The following GRHL2 variants were observed in gnomAD, a reference collection of about 807,000 sequenced individuals.
GRHL2 encodes grainyhead-like protein 2 homolog.
Under a neutral mutation model 83.8 loss-of-function variants are expected in GRHL2, and 21 were observed. The observed-to-expected ratio is 0.25, with a 90% CI of 0.18 to 0.36. GRHL2 has a LOEUF of 0.36. Ranked by LOEUF, GRHL2 falls within the 10% of genes least tolerant of loss-of-function variation. The pLI, the probability that GRHL2 is intolerant of heterozygous loss-of-function variation, is 1.00. For missense variants in GRHL2, 623 were observed against 781.8 expected (o/e 0.80, Z 2.42); for synonymous variants, 280 against 278.9 (o/e 1.00, Z -0.04).
intron 12 of GRHL2, among the ~76,000 whole-genome samples, chr8:101,638,204 T>C (rs528522628): frequency 1.1e-4 from 16 of 152,354 alleles, no homozygotes; most frequent in Non-Finnish European, 1.8e-4. Flanking sequence ...ATATAATTAA[T>C]ATATTTACTT....
At chr8:101,670,616 C>T (rs976312793), downstream of GRHL2, among the ~76,000 whole-genome samples, 6 of 152,204 alleles carry the variant, frequency 3.9e-5, no homozygotes, top group Non-Finnish European at 8.8e-5. Context: ...TTGGTGCTCT[C>T]CCCAGCTGTC....
intron 7 of GRHL2, among the ~76,000 whole-genome samples, chr8:101,597,691 G>A (rs1812419466): frequency 6.8e-6 from 1 of 146,708 alleles, no homozygotes; most frequent in African/African-American, 2.5e-5. Context: ...GGGGTGGAGG[G>A]AGGGGGGAGG....
intron 14 of GRHL2, among the ~76,000 whole-genome samples, chr8:101,654,763 TC>T (rs1813748375): frequency 6.6e-6 from 1 of 152,250 alleles, no homozygotes; most frequent in Non-Finnish European, 1.5e-5. Flanking sequence ...TACAAGGGTT[TC>T]CTGGAGTCTG....
intron 1 of GRHL2, among the ~76,000 whole-genome samples, chr8:101,516,433 G>C (rs1443538541): frequency 2.3e-5 from 1 of 43,082 alleles, no homozygotes; most frequent in African/African-American, 8.6e-5. Flanking sequence ...TTTTTTTTTT[G>C]AGACAGGGTC....
intron 1 of GRHL2, among the ~76,000 whole-genome samples, chr8:101,526,344 T>C (rs1237152930): frequency 6.6e-6 from 1 of 152,188 alleles, no homozygotes; most frequent in African/African-American, 2.4e-5. Flanking sequence ...TGTGTTATTC[T>C]ATAACATCAT....
chr8:101,631,600 T>A (rs1813186726), intron 9 of GRHL2, 37 bp from the exon 10 acceptor site: 1 of 1,534,192 alleles, frequency 6.5e-7, no homozygotes, highest in Non-Finnish European at 9.0e-7. Context: ...TCTGCTAATA[T>A]GCCTGGCATT....
downstream of GRHL2, among the ~76,000 whole-genome samples, chr8:101,671,240 C>T (rs368692323): frequency 9.2e-5 from 14 of 152,296 alleles, no homozygotes; most frequent in African/African-American, 1.9e-4. Flanking sequence ...ACTCGGGAAG[C>T]GCAAGGGGTC....
chr8:101,526,220 A>T (rs1810799919), intron 1 of GRHL2, among the ~76,000 whole-genome samples: 1 of 152,214 alleles, frequency 6.6e-6, no homozygotes, highest in Admixed American at 6.5e-5. Context: ...AAAATTCAAA[A>T]CTGGTAGTTT....
downstream of GRHL2, among the ~76,000 whole-genome samples, chr8:101,672,158 CA>C (rs1814221204): frequency 6.6e-6 from 1 of 151,674 alleles, no homozygotes; most frequent in Non-Finnish European, 1.5e-5. Flanking sequence ...TCTCCTCCTC[CA>C]AAGGAATGCA....
At chr8:101,515,084 C>T in intron 1 of GRHL2, among the ~76,000 whole-genome samples, 1 of 147,292 alleles carries the variant, frequency 6.8e-6, no homozygotes, top group African/African-American at 2.7e-5. Context: ...CTCCCTCCCT[C>T]CCTCCTTATA....
rs549539290 is a variant in GRHL2, at chr8:101,535,120, C to T, written c.21-8121C>T. Among the ~76,000 whole-genome samples the T allele has an allele frequency of 3.3e-5, 5 of 152,310 alleles. No individual in the cohort carries two copies. In the South Asian group the frequency reaches 6.2e-4, roughly 19 times the overall value. On this transcript the variant is annotated intron_variant, in intron 1 of 15. Transcript: ENST00000646743. ...TCTATATGATAGGGATTTGACTCAA[C>T]GACCATCTCCTGTGGTCACATTCTG...
chr8:101,558,281 G>A (rs984523440), intron 3 of GRHL2, 138 bp from the exon 4 acceptor site: 4 of 969,270 alleles, frequency 4.1e-6, no homozygotes, highest in Admixed American at 2.0e-5. Context: ...ATTGCGTTTC[G>A]TTGTGAAGTT....
At chr8:101,630,856 G>A (rs1813172656) in intron 9 of GRHL2, among the ~76,000 whole-genome samples, 1 of 152,126 alleles carries the variant, frequency 6.6e-6, no homozygotes, top group Non-Finnish European at 1.5e-5. Flanking sequence ...AGCTCATATA[G>A]AGAAATAACC....
At chr8:101,510,405 T>C (rs1810439028) in intron 1 of GRHL2, among the ~76,000 whole-genome samples, 1 of 152,226 alleles carries the variant, frequency 6.6e-6, no homozygotes, top group Non-Finnish European at 1.5e-5. Context: ...AGTGGATTTA[T>C]CATCATTGAC....
rs182337338 is a variant in GRHL2, at chr8:101,660,758, A to G, written c.1699-3696A>G. 1.2e-4 allele frequency among the ~76,000 whole-genome samples: 19 copies of G among 152,260 alleles called. No individual in the cohort carries two copies. In the East Asian group the frequency reaches 3.7e-3, roughly 29 times the overall value. Reference sequence around the variant, plus strand: ...ACTACTATTTGAAAATAAACTTCCAACTATTTTCTCCACCAGTGCCTTCCA... The same window carrying G: ...ACTACTATTTGAAAATAAACTTCCAGCTATTTTCTCCACCAGTGCCTTCCA... On this transcript the variant is annotated intron_variant, in intron 14 of 15. Transcript: ENST00000646743.
At chr8:101,496,843 C>T (rs988043210) in intron 1 of GRHL2, among the ~76,000 whole-genome samples, 1 of 152,006 alleles carries the variant, frequency 6.6e-6, no homozygotes, top group African/African-American at 2.4e-5. Context: ...TGCCAGGGCC[C>T]TGAGGTGAGA....
intron 2 of GRHL2, among the ~76,000 whole-genome samples, chr8:101,548,983 T>C (rs1413741978): frequency 6.6e-6 from 1 of 152,196 alleles, no homozygotes; most frequent in Non-Finnish European, 1.5e-5. Flanking sequence ...ATTGATTCTT[T>C]CAATAAGTAT....
chr8:101,592,909 G>A (rs561232702), intron 7 of GRHL2, among the ~76,000 whole-genome samples: 7 of 152,202 alleles, frequency 4.6e-5, no homozygotes, highest in South Asian at 4.2e-4. Context: ...TTCTTATTTC[G>A]TTAGAAAGAC....
At chr8:101,626,549 A>C (rs1813083635) in intron 9 of GRHL2, among the ~76,000 whole-genome samples, 1 of 152,060 alleles carries the variant, frequency 6.6e-6, no homozygotes, top group Non-Finnish European at 1.5e-5. Flanking sequence ...ACATTCTTAA[A>C]ATACATGTAG....
Sources: gnomAD v4.1 joint callset for allele counts (sites outside exome capture counted in the v4.1 genomes callset) on GRCh38, gnomAD v4.1.1 for gene constraint, MANE v1.5 for transcripts, NCBI Gene and HGNC (gene_info 2026-07-23, HGNC 2026-07-21) for gene names.